The following DLC1 variants were observed in gnomAD, a reference collection of about 807,000 sequenced individuals.
The protein encoded by DLC1 is DLC1 Rho GTPase activating protein.
A neutral mutation model predicts 140.3 loss-of-function variants in DLC1; 54 were observed. The observed-to-expected ratio is 0.38, with a 90% CI of 0.31 to 0.48. The LOEUF (loss-of-function observed/expected upper bound fraction) is 0.48. DLC1 is among the 20% of genes least tolerant of loss of function. The pLI is 0.96. For synonymous variants in DLC1, 986 were observed against 728.1 expected (o/e 1.35, Z -5.70); for missense variants, 2,536 against 1,907.0 (o/e 1.33, Z -6.14).
At chr8:13,111,310 C>G (rs1440939973) in intron 6 of DLC1, among the ~76,000 whole-genome samples, 1 of 152,140 alleles carries the variant, frequency 6.6e-6, no homozygotes, top group Non-Finnish European at 1.5e-5. Flanking sequence ...AATCCACTCA[C>G]ATGGCATCAA....
Position 13,092,704 on chromosome 8 carries a change from T to G in DLC1, c.3648A>C (p.Lys1216Asn). ...GGTTGGTTGGGGTCATCTGGTTTTC[T>G]TTTACGGCTGCTGTGACATCGCTCA... Reference protein sequence around the residue: ...YFLSDVTAAVKENQMTPTNLA... With the variant: ...YFLSDVTAAVNENQMTPTNLA... Residue 1216 changes from lysine (K) to asparagine (N), a missense_variant, in exon 13 of 18, where the codon AAA becomes AAC. Physicochemically the swap from Lys to Asn is moderately conservative, Grantham distance 94. Transcript: ENST00000276297. The G allele has an allele frequency of 1.2e-6, 2 of 1,614,170 alleles. No homozygotes were observed. Among genetic ancestry groups the G allele is most frequent in the Non-Finnish European group, 1.7e-6 (2 of 1,180,020 alleles).
chr8:13,187,155 T>C (rs556223588), intron 5 of DLC1, among the ~76,000 whole-genome samples: 103 of 151,726 alleles, frequency 6.8e-4, no homozygotes, highest in African/African-American at 2.4e-3. Flanking sequence ...TGCTTTACTT[T>C]TTTTTCCATA....
At chr8:13,441,355 CCAGGGCAATCAGG>C in intron 2 of DLC1, among the ~76,000 whole-genome samples, 1 of 152,090 alleles carries the variant, frequency 6.6e-6, no homozygotes, top group Non-Finnish European at 1.5e-5. Flanking sequence ...GAAGTTCTGG[CCAGGGCAATCAGG>C]CAGGAGAAGG....
intron 5 of DLC1, among the ~76,000 whole-genome samples, chr8:13,244,903 C>T (rs891688190): frequency 6.6e-6 from 1 of 152,214 alleles, no homozygotes; most frequent in African/African-American, 2.4e-5. Context: ...AGAAGGAAGA[C>T]GGTTGCTTAT....
At chr8:13,599,211 G>A (rs1645592230) in intron 1 of DLC1, among the ~76,000 whole-genome samples, 1 of 151,528 alleles carries the variant, frequency 6.6e-6, no homozygotes, top group African/African-American at 2.4e-5. Flanking sequence ...ACATGATTTT[G>A]GAATTTATAA....
intron 5 of DLC1, among the ~76,000 whole-genome samples, chr8:13,234,024 CAG>C (rs1829171876): frequency 1.3e-5 from 2 of 152,216 alleles, no homozygotes; most frequent in South Asian, 2.1e-4. Flanking sequence ...ATTTTGAAAA[CAG>C]AGTATGCACA....
At chr8:13,242,387 C>T (rs1432981800) in intron 5 of DLC1, among the ~76,000 whole-genome samples, 1 of 147,658 alleles carries the variant, frequency 6.8e-6, no homozygotes, top group Non-Finnish European at 1.5e-5. Flanking sequence ...AAATATCTCC[C>T]CATCAGTTTT....
chr8:13,368,078 C>G (rs189936403), intron 4 of DLC1, among the ~76,000 whole-genome samples: 4 of 152,056 alleles, frequency 2.6e-5, no homozygotes, highest in African/African-American at 9.7e-5. Context: ...CTTCAAGAGG[C>G]CCTTGTGTTC....
In DLC1 at chr8:13,118,004, C is replaced by CTTTTT. The variant is rs35775672; in HGVS notation, c.1349-2352_1349-2348dup. Reference sequence around the variant, plus strand: ...ATATTCCTGTCTTCTTGTTCTCTTTCTTTTTTTTTTTTTTTTTTTTTTTGA... The same window carrying CTTTTT: ...ATATTCCTGTCTTCTTGTTCTCTTTCTTTTTTTTTTTTTTTTTTTTTTTTTTTTGA... On this transcript the variant is annotated intron_variant, in intron 5 of 17. Coordinates refer to ENST00000276297, the MANE Select transcript of DLC1 (RefSeq NM_182643.3). Among the ~76,000 whole-genome samples the CTTTTT allele has an allele frequency of 1.9e-3, 220 of 114,926 alleles. 2 individuals are homozygous for CTTTTT. Among genetic ancestry groups the CTTTTT allele is most frequent in the African/African-American group, 6.5e-3 (192 of 29,626 alleles). 75.4% of individuals were successfully genotyped at this position (114,926 alleles called of 152,430 possible). A position where few individuals can be genotyped will look rare whatever the true frequency, so the allele number is the denominator to read the frequency against.
At position 13,381,346 on chromosome 8, in the gene DLC1, T is replaced by A. The variant is rs756688973; in HGVS notation, c.1314+12207A>T. Among the ~76,000 whole-genome samples the A allele has an allele frequency of 7.9e-5, 12 of 151,940 alleles. 1 individual carries two copies. The highest frequency in any genetic ancestry group is 1.2e-4 in the Non-Finnish European group (8 of 67,998). On this transcript the variant is annotated intron_variant, in intron 4 of 17. Transcript: ENST00000276297. Reference sequence around the variant, plus strand: ...AGTAACTGACCTGCAAAAAAGGAGGTGCAAAGGCCACGTTAAGGAGATCAC... The same window carrying A: ...AGTAACTGACCTGCAAAAAAGGAGGAGCAAAGGCCACGTTAAGGAGATCAC...
At chr8:13,130,344 C>T (rs1821976572) in intron 5 of DLC1, among the ~76,000 whole-genome samples, 1 of 152,190 alleles carries the variant, frequency 6.6e-6, no homozygotes, top group South Asian at 2.1e-4. Context: ...GTACTATATA[C>T]ATTTTTAAAC....
chr8:13,114,028 A>G (rs1820331154), intron 6 of DLC1, among the ~76,000 whole-genome samples: 1 of 152,238 alleles, frequency 6.6e-6, no homozygotes, highest in African/African-American at 2.4e-5. Flanking sequence ...TAATTATTTT[A>G]AATTGACTTC....
At chr8:13,487,356 T>A (rs1301844540) in intron 2 of DLC1, among the ~76,000 whole-genome samples, 1 of 152,162 alleles carries the variant, frequency 6.6e-6, no homozygotes, top group Non-Finnish European at 1.5e-5. Flanking sequence ...AAAGTTTATG[T>A]CATTTGGAAA....
chr8:13,305,008 A>G (rs1832359986), intron 5 of DLC1: 1 of 1,094,976 alleles, frequency 9.1e-7, no homozygotes, highest in East Asian at 5.4e-5. Context: ...TTTGCTTAAG[A>G]AAAAAAAATT....
At chr8:13,567,838 C>A in intron 1 of DLC1, 1 of 1,551,828 alleles carries the variant, frequency 6.4e-7, no homozygotes, top group Non-Finnish European at 8.7e-7. Flanking sequence ...AGAGACAGAG[C>A]AGAAGTTGCA....
At chr8:13,419,195 A>T (rs1838202096) in intron 2 of DLC1, among the ~76,000 whole-genome samples, 1 of 152,038 alleles carries the variant, frequency 6.6e-6, no homozygotes, top group Non-Finnish European at 1.5e-5. Flanking sequence ...TCCTAATTGA[A>T]TACCGTTTAT....
chr8:13,191,234 C>A (rs1826734311), intron 5 of DLC1, among the ~76,000 whole-genome samples: 1 of 152,196 alleles, frequency 6.6e-6, no homozygotes, highest in Non-Finnish European at 1.5e-5. Context: ...TGGCCAGGCA[C>A]AGTGGCTCAT....
At chr8:13,326,274 G>C (rs1343781361) in intron 4 of DLC1, among the ~76,000 whole-genome samples, 3 of 152,120 alleles carry the variant, frequency 2.0e-5, no homozygotes, top group Non-Finnish European at 2.9e-5. Context: ...AGAAACATTT[G>C]GCCATAAGAG....
rs757334619 is a variant in DLC1, at chr8:13,110,875, C to T, written c.1421-52G>A. 18 of 1,532,952 alleles carry T rather than the reference C, an allele frequency of 1.2e-5. No individual in the cohort carries two copies. In the South Asian group the frequency reaches 1.5e-4, roughly 12 times the overall value. The allele number at this position is 1,532,952 out of a possible 1,614,324, so 95.0% of individuals were successfully genotyped here. ...TGTTGAGCGCCTAAAACCCAATTTG[C>T]CAAATAGCCCAGTTTACCAAAGCAG... On this transcript the variant is annotated intron_variant, in intron 6 of 17. Coordinates refer to ENST00000276297, the MANE Select transcript of DLC1 (RefSeq NM_182643.3).
Sources: gnomAD v4.1 joint callset for allele counts (sites outside exome capture counted in the v4.1 genomes callset) on GRCh38, gnomAD v4.1.1 for gene constraint, MANE v1.5 for transcripts, NCBI Gene and HGNC (gene_info 2026-07-23, HGNC 2026-07-21) for gene names.